PAK3: variants seen among roughly 807,000 people sequenced by gnomAD.
PAK3 encodes the protein serine/threonine-protein kinase PAK 3.
A neutral mutation model predicts 41.0 loss-of-function variants in PAK3; 4 were observed. That is an observed-to-expected ratio of 0.10 (90% CI 0.05 to 0.22). The LOEUF (loss-of-function observed/expected upper bound fraction) is 0.22, where lower values mean the gene tolerates loss of function less well. Among genes scored for constraint, PAK3 ranks in the 10% least tolerant of loss-of-function variants. PAK3 has a pLI of 1.00. For synonymous variants in PAK3, 146 were observed against 139.6 expected (o/e 1.05, Z -0.32); for missense variants, 205 against 409.9 (o/e 0.50, Z 4.32).
At chrX:110,966,185 A>G (rs2091077687) in intron 1 of PAK3, among the ~76,000 whole-genome samples, 1 of 111,851 alleles carries the variant, frequency 8.9e-6, no homozygotes, top group Non-Finnish European at 1.9e-5. Context: ...TTCATAATGG[A>G]AAGAGTAATA....
At chrX:111,094,863 A>G (rs139221267), upstream of PAK3, among the ~76,000 whole-genome samples, 3,608 of 108,870 alleles carry the variant, frequency 0.033, 74 homozygotes, top group African/African-American at 0.063. Context: ...TAATTTTTGT[A>G]TTTTTAGTAG....
At chrX:111,104,844 A>C in intron 4 of PAK3, among the ~76,000 whole-genome samples, 1 of 111,499 alleles carries the variant, frequency 9.0e-6, no homozygotes. Flanking sequence ...TTTACCAAGG[A>C]GGAGATAGAG....
At chrX:111,010,606 A>C (rs2091997771) in intron 1 of PAK3, among the ~76,000 whole-genome samples, 1 of 110,676 alleles carries the variant, frequency 9.0e-6, no homozygotes, top group African/African-American at 3.3e-5. Flanking sequence ...CTGGTTGTTT[A>C]AAAGTGTGCA....
intron 4 of PAK3, among the ~76,000 whole-genome samples, chrX:111,109,918 G>A (rs143664088): frequency 8.9e-5 from 10 of 111,793 alleles, no homozygotes; most frequent in Non-Finnish European, 1.7e-4. Flanking sequence ...ATAAGTGCAC[G>A]GGCATTGATG....
chrX:111,023,734 G>A (rs1032888913), intron 1 of PAK3, among the ~76,000 whole-genome samples: 11 of 111,732 alleles, frequency 9.8e-5, no homozygotes, highest in African/African-American at 3.3e-4. Flanking sequence ...TTTTTTTGAT[G>A]GGGTTGTTTG....
At chrX:110,947,988 C>T (rs968957100) in intron 1 of PAK3, among the ~76,000 whole-genome samples, 16 of 111,968 alleles carry the variant, frequency 1.4e-4, no homozygotes, top group African/African-American at 4.9e-4. Context: ...TATGTAAACT[C>T]AAGGTTATTA....
intron 1 of PAK3, among the ~76,000 whole-genome samples, chrX:110,958,177 A>C (rs371771606): frequency 8.9e-6 from 1 of 111,890 alleles, no homozygotes; most frequent in East Asian, 2.8e-4. Context: ...TCCATATTCA[A>C]GTGACTAAAA....
chrX:110,981,017 T>A (rs2091438898), intron 1 of PAK3, among the ~76,000 whole-genome samples: 1 of 111,859 alleles, frequency 8.9e-6, no homozygotes, highest in South Asian at 3.8e-4. Context: ...TCACTCGTCT[T>A]AGGGAAAAGA....
At chrX:111,127,708 C>T (rs1383368033) in intron 5 of PAK3, among the ~76,000 whole-genome samples, 1 of 111,412 alleles carries the variant, frequency 9.0e-6, no homozygotes, top group Non-Finnish European at 1.9e-5. Flanking sequence ...AGCTTGGAGT[C>T]AAATGTGTGG....
rs750665778 is a variant in PAK3, at chrX:111,162,727, T to G, written c.469-188T>G. ...GCCATGACATGAATTTATCTCTGAA[T>G]AAGTTCAGAGATTGTATTCAGGTGA... On this transcript the variant is annotated intron_variant, in intron 8 of 17. Transcript: ENST00000372007. Among the ~76,000 whole-genome samples the G allele has an allele frequency of 1.8e-4, 20 of 111,885 alleles. No individual in the cohort carries two copies. In the South Asian group the frequency reaches 7.5e-3, roughly 42 times the overall value.
chrX:110,976,900 T>G (rs1253402828), intron 1 of PAK3, among the ~76,000 whole-genome samples: 19 of 108,021 alleles, frequency 1.8e-4, no homozygotes, highest in Non-Finnish European at 9.6e-5. Flanking sequence ...TAGGTGGGAA[T>G]TGAACAATGA....
At chrX:111,073,856 G>A (rs1175132798) in intron 1 of PAK3, among the ~76,000 whole-genome samples, 3 of 111,670 alleles carry the variant, frequency 2.7e-5, no homozygotes, top group Non-Finnish European at 1.9e-5. Flanking sequence ...CATTTTATGA[G>A]GCCAGAATTA....
chrX:111,194,793 C>A (rs1484880868), intron 14 of PAK3, among the ~76,000 whole-genome samples: 1 of 111,740 alleles, frequency 8.9e-6, no homozygotes, highest in Non-Finnish European at 1.9e-5. Flanking sequence ...GTAATATGAG[C>A]CATGTAAAAT....
chrX:111,160,193 G>C (rs910968035), intron 8 of PAK3, among the ~76,000 whole-genome samples: 3 of 111,270 alleles, frequency 2.7e-5, no homozygotes, highest in African/African-American at 9.8e-5. Context: ...TAATAGCACT[G>C]TCCAACAAAT....
At chrX:111,110,439 C>G (rs2093350492) in intron 4 of PAK3, among the ~76,000 whole-genome samples, 2 of 112,071 alleles carry the variant, frequency 1.8e-5, no homozygotes, top group Non-Finnish European at 3.8e-5. Context: ...ACAATTTGAA[C>G]TGAGCATAAT....
At chrX:111,034,778 C>T (rs922237919) in intron 1 of PAK3, among the ~76,000 whole-genome samples, 1 of 111,204 alleles carries the variant, frequency 9.0e-6, no homozygotes, top group South Asian at 3.8e-4. Context: ...CAAGTCTACT[C>T]TTCTCTGGGC....
At chrX:111,134,796 A>G (rs768112129) in intron 5 of PAK3, among the ~76,000 whole-genome samples, 22 of 111,378 alleles carry the variant, frequency 2.0e-4, no homozygotes, top group African/African-American at 6.5e-4. Context: ...GTGGCATGCC[A>G]GGTAGAAAGA....
chrX:111,205,066 G>A (rs1254202294), intron 16 of PAK3, among the ~76,000 whole-genome samples: 1 of 107,006 alleles, frequency 9.3e-6, no homozygotes, highest in Non-Finnish European at 1.9e-5. Flanking sequence ...ATTGTATTCC[G>A]ATGTCTGTCA....
chrX:111,163,653 G>C lies in PAK3; in HGVS notation c.692G>C (p.Ser231Thr). 2 of 1,200,003 alleles carry C rather than the reference G, an allele frequency of 1.7e-6. No individual in the cohort carries two copies. Among genetic ancestry groups the C allele is most frequent in the Non-Finnish European group, 2.3e-6 (2 of 885,109 alleles). ...TPPSAENANS[S>T]TLYRNTDRQR... is the part of the protein sequence containing the mutation. ...CCCTCTGCTGAAAATGCCAATTCCA[G>C]TACTTTGTACAGGAACACAGATCGG... is the stretch of plus-strand genomic sequence containing the variant. The change falls in exon 10 of 18, where the codon AGT becomes ACT. Residue 231 changes from serine (S) to threonine (T), a missense_variant. Physicochemically the swap from Ser to Thr is moderately conservative, Grantham distance 58. Coordinates refer to ENST00000372007, the MANE Select transcript of PAK3 (RefSeq NM_002578.5).
Sources: allele counts gnomAD v4.1 joint callset (sites outside exome capture counted in the v4.1 genomes callset), GRCh38; gene constraint gnomAD v4.1.1; transcripts MANE v1.5; gene names NCBI Gene and HGNC (gene_info 2026-07-23, HGNC 2026-07-21).